The following GAN variants were observed in gnomAD, a reference collection of about 807,000 sequenced individuals.
GAN encodes the protein epididymis secretory sperm binding protein.
In GAN, 48 loss-of-function variants were observed where a neutral mutation model predicts 71.3. The observed-to-expected ratio is 0.67, with a 90% confidence interval of 0.53 to 0.86. The LOEUF (loss-of-function observed/expected upper bound fraction) is 0.86. Among genes scored for constraint, GAN ranks in the 40% least tolerant of loss-of-function variants. The pLI, the probability that GAN is intolerant of heterozygous loss-of-function variation, is 0.00. For synonymous variants in GAN, 386 were observed against 276.8 expected, an observed-to-expected ratio of 1.39 and a Z score of -3.92; for missense variants, 928 against 770.1, an observed-to-expected ratio of 1.21 and a Z score of -2.43.
rs1910811513 is a variant in GAN at position 81,365,191 on chromosome 16, T to A, written c.1373+81T>A. 5 of 1,576,512 alleles carry A rather than the reference T, an allele frequency of 3.2e-6. No individual in the cohort carries two copies. In the South Asian group the frequency reaches 4.4e-5, roughly 14 times the overall value. ...GCCCCTTACCCTGCCTGGCTTTTGT[T>A]CTTTTCTTTCAGAGTAACCTTTTCT... is the stretch of plus-strand genomic sequence containing the variant. On this transcript the variant is annotated intron_variant, in intron 8 of 10. Coordinates refer to ENST00000648994, the MANE Select transcript of GAN (RefSeq NM_022041.4).
At position 81,378,958 on chromosome 16, in the gene GAN, C is replaced by T. The variant is rs1208215119; in HGVS notation, c.*1362C>T. ...GGGACTTCAAAGTGCTTGATTCCTT[C>T]CTAAATTGAATTTTATGCAATGTCA... On this transcript the variant is annotated 3_prime_UTR_variant, in exon 11 of 11. Transcript: ENST00000648994. The T allele has an allele frequency of 1.3e-5, 2 of 152,230 alleles. No homozygotes were observed. The highest frequency in any genetic ancestry group is 1.5e-5 in the Non-Finnish European group (1 of 68,032). 9.4% of individuals were successfully genotyped at this position (152,230 alleles called of 1,614,324 possible). A position where few individuals can be genotyped will look rare whatever the true frequency, so the allele number is the denominator to read the frequency against.
At chr16:81,367,892 G>C (rs1910913189) in intron 9 of GAN, among the ~76,000 whole-genome samples, 3 of 152,118 alleles carry the variant, frequency 2.0e-5, no homozygotes, top group African/African-American at 4.8e-5. Context: ...TAAAAATATA[G>C]GCTTTCCTAT....
At chr16:81,351,041 A>T (rs1291105725) in intron 1 of GAN, among the ~76,000 whole-genome samples, 1 of 152,236 alleles carries the variant, frequency 6.6e-6, no homozygotes, top group East Asian at 1.9e-4. Flanking sequence ...CTAATTATAA[A>T]ACAAGTTAAA....
At chr16:81,328,595 T>TTAC (rs1909466672) in intron 1 of GAN, among the ~76,000 whole-genome samples, 2 of 152,140 alleles carry the variant, frequency 1.3e-5, no homozygotes, top group African/African-American at 4.8e-5. Flanking sequence ...TGAAGCCAGG[T>TTAC]TACTGTCCAG....
chr16:81,331,908 A>G (rs1909590504), intron 1 of GAN, among the ~76,000 whole-genome samples: 1 of 152,212 alleles, frequency 6.6e-6, no homozygotes, highest in South Asian at 2.1e-4. Flanking sequence ...CATGCCTGTA[A>G]TCCCAGCACT....
intron 9 of GAN, among the ~76,000 whole-genome samples, chr16:81,374,234 A>C (rs548678219): frequency 1.3e-4 from 20 of 152,348 alleles, no homozygotes; most frequent in African/African-American, 4.8e-4. Context: ...GAACACGTTG[A>C]TGTGCCTTAT....
chr16:81,324,756 C>G (rs10454708), intron 1 of GAN, among the ~76,000 whole-genome samples: 143,948 of 152,318 alleles, frequency 0.95, 68,061 homozygotes, highest in Middle Eastern at 0.98. Flanking sequence ...CTTTATCTTA[C>G]GGGCTATGGA....
chr16:81,361,964 C>A (rs1021438702), intron 5 of GAN, among the ~76,000 whole-genome samples: 5 of 152,238 alleles, frequency 3.3e-5, no homozygotes, highest in Admixed American at 2.6e-4. Flanking sequence ...TGCTGAGCCA[C>A]CACCACCCGG....
Position 81,376,465 on chromosome 16 carries a change from A to ATATGTGTG in GAN, c.1503-753_1503-752insATGTGTGT, listed in dbSNP as rs1163323814. Among the ~76,000 whole-genome samples the ATATGTGTG allele has an allele frequency of 3.9e-5, 5 of 127,162 alleles. No individual in the cohort carries two copies. The Admixed American group carries it at 4.0e-4, about 10-fold the overall frequency. 83.4% of individuals were successfully genotyped at this position (127,162 alleles called of 152,430 possible). On this transcript the variant is annotated intron_variant, in intron 9 of 10. Coordinates refer to ENST00000648994, the MANE Select transcript of GAN (RefSeq NM_022041.4). ...CAATATCCCATCTTTATACATACAT[A>ATATGTGTG]TGTGTGTGTGTGTGTGTGTGTGTGT...
At chr16:81,321,071 A>G (rs920131705) in intron 1 of GAN, among the ~76,000 whole-genome samples, 2 of 152,224 alleles carry the variant, frequency 1.3e-5, no homozygotes, top group Non-Finnish European at 2.9e-5. Flanking sequence ...GTAAATTTCA[A>G]TTTAACACAG....
rs1909043486 is a variant in GAN, at chr16:81,316,422, T to C, written c.167+1142T>C. 2.0e-5 allele frequency among the ~76,000 whole-genome samples: 3 copies of C among 151,070 alleles called. No individual in the cohort carries two copies. The South Asian group carries it at 6.3e-4, about 32-fold the overall frequency. On this transcript the variant is annotated intron_variant, in intron 1 of 10. Coordinates refer to ENST00000648994, the MANE Select transcript of GAN (RefSeq NM_022041.4). ...GAAGAAATTCAAGTGCCCTTGTAAC[T>C]TCTGGTTTCTCTTGGATTTGTTTTG...
intron 1 of GAN, among the ~76,000 whole-genome samples, chr16:81,350,630 C>T (rs1033608531): frequency 2.6e-5 from 4 of 151,894 alleles, no homozygotes; most frequent in Non-Finnish European, 5.9e-5. Flanking sequence ...ATTTTTGTGC[C>T]TCAGCCTCCT....
At chr16:81,339,671 C>T (rs1909877351) in intron 1 of GAN, among the ~76,000 whole-genome samples, 1 of 152,194 alleles carries the variant, frequency 6.6e-6, no homozygotes, top group Non-Finnish European at 1.5e-5. Context: ...TGGGGAAATT[C>T]ATAACAGGAA....
intron 1 of GAN, among the ~76,000 whole-genome samples, chr16:81,351,062 T>C (rs1033468368): frequency 6.6e-6 from 1 of 152,222 alleles, no homozygotes; most frequent in African/African-American, 2.4e-5. Flanking sequence ...ATTTAAAATA[T>C]ATATTTCACG....
chr16:81,338,700 G>A lies in GAN; in HGVS notation c.168-12883G>A, dbSNP rs142455287. Reference sequence around the variant, plus strand: ...ATAAGGGAGAATAAGACAAGTTTGTGTAGTTACTAAATTAGAAAGGAACGG... The same window carrying A: ...ATAAGGGAGAATAAGACAAGTTTGTATAGTTACTAAATTAGAAAGGAACGG... On this transcript the variant is annotated intron_variant, in intron 1 of 10. Transcript: ENST00000648994. 7.8e-4 allele frequency among the ~76,000 whole-genome samples: 119 copies of A among 152,346 alleles called. 1 individual carries two copies. The highest frequency in any genetic ancestry group is 2.7e-3 in the African/African-American group (112 of 41,584).
intron 4 of GAN, 122 bp downstream of exon 4, chr16:81,357,124 A>C: frequency 1.3e-6 from 1 of 752,380 alleles, no homozygotes. Flanking sequence ...TTTTTTTTAT[A>C]CTTTAAGTTT....
At chr16:81,343,226 T>C (rs1177882358) in intron 1 of GAN, among the ~76,000 whole-genome samples, 1 of 152,166 alleles carries the variant, frequency 6.6e-6, no homozygotes, top group African/African-American at 2.4e-5. Flanking sequence ...TCTGAAACTA[T>C]TCCGATCAAT....
chr16:81,343,695 T>C lies in GAN; in HGVS notation c.168-7888T>C, dbSNP rs1225014211. On this transcript the variant is annotated intron_variant, in intron 1 of 10. Coordinates refer to ENST00000648994, the MANE Select transcript of GAN (RefSeq NM_022041.4). ...GGGCAAAAATTGGAAGTATTCTCTT[T>C]GAAAACTGACACAAGACAAGGATGC... is the stretch of plus-strand genomic sequence containing the variant. Among the ~76,000 whole-genome samples, 7 of 152,330 alleles carry C rather than the reference T, an allele frequency of 4.6e-5. No homozygotes were observed. The East Asian group carries it at 1.4e-3, about 29-fold the overall frequency.
chr16:81,356,829 G>C lies in GAN; in HGVS notation c.678G>C (p.Leu226Phe), dbSNP rs761722446. The C allele has an allele frequency of 2.5e-6, 4 of 1,613,766 alleles. No individual in the cohort carries two copies. Among genetic ancestry groups the C allele is most frequent in the Non-Finnish European group, 2.5e-6 (3 of 1,179,696 alleles). ...DVMSALWVSG[L>F]DSSYLREQML... ...TGTCAGCTCTGTGGGTTTCAGGGTTGGACTCCAGTTATTTACGGGAACAGA... is the reference window on the plus strand; with the variant it reads ...TGTCAGCTCTGTGGGTTTCAGGGTTCGACTCCAGTTATTTACGGGAACAGA... Residue 226 changes from leucine to phenylalanine, a missense_variant, in exon 4 of 11, where the codon TTG becomes TTC. By Grantham distance (22) the Leu-to-Phe change is conservative. Coordinates refer to ENST00000648994, the MANE Select transcript of GAN (RefSeq NM_022041.4).
Sources: allele counts gnomAD v4.1 joint callset (sites outside exome capture counted in the v4.1 genomes callset), GRCh38; gene constraint gnomAD v4.1.1; transcripts MANE v1.5; gene names NCBI Gene and HGNC (gene_info 2026-07-23, HGNC 2026-07-21).